The following GPM6A variants were observed in gnomAD, a reference collection of about 807,000 sequenced individuals.
GPM6A encodes neuronal membrane glycoprotein M6-a.
GPM6A carries 7 observed loss-of-function variants against 32.1 expected under a neutral mutation model. The ratio of observed to expected loss-of-function variants is 0.22; its 90% CI spans 0.12 to 0.41. The LOEUF (loss-of-function observed/expected upper bound fraction) is 0.41. GPM6A is among the 10% of genes least tolerant of loss of function. GPM6A has a pLI of 1.00. For synonymous variants in GPM6A, 130 were observed against 123.4 expected (o/e 1.05, Z -0.35); for missense variants, 235 against 347.2 (o/e 0.68, Z 2.57).
chr4:175,815,799 C>T (rs772435763), upstream of GPM6A, among the ~76,000 whole-genome samples: 1 of 143,796 alleles, frequency 7.0e-6, no homozygotes, highest in Admixed American at 7.3e-5. Flanking sequence ...CTCACTAGAA[C>T]CTCTGCCTCC....
At chr4:175,694,971 G>A (rs1405510010) in intron 2 of GPM6A, among the ~76,000 whole-genome samples, 1 of 152,124 alleles carries the variant, frequency 6.6e-6, no homozygotes, top group Non-Finnish European at 1.5e-5. Context: ...TCCAGCCATG[G>A]CTAAAAGACC....
At chr4:175,991,235 T>A (rs1349839892) in intron 1 of GPM6A, among the ~76,000 whole-genome samples, 17 of 150,714 alleles carry the variant, frequency 1.1e-4, no homozygotes, top group African/African-American at 3.9e-4. Context: ...CCAGCTATTT[T>A]TTTTTTTTTT....
Position 175,663,232 on chromosome 4 carries a change from A to G in GPM6A, c.387+10448T>C, listed in dbSNP as rs543926095. Among the ~76,000 whole-genome samples the G allele has an allele frequency of 5.3e-5, 8 of 152,326 alleles. No individual in the cohort carries two copies. The South Asian group carries it at 1.7e-3, about 32-fold the overall frequency. Reference sequence around the variant, plus strand: ...GAGTTGAAAACTGATGTCCACAGAAAAACCTGCACACAGACGTTTAAAGCA... The same window carrying G: ...GAGTTGAAAACTGATGTCCACAGAAGAACCTGCACACAGACGTTTAAAGCA... On this transcript the variant is annotated intron_variant, in intron 3 of 6. Coordinates refer to ENST00000393658, the MANE Select transcript of GPM6A (RefSeq NM_201591.3).
At chr4:175,995,552 T>C (rs960342776) in intron 1 of GPM6A, among the ~76,000 whole-genome samples, 4 of 152,134 alleles carry the variant, frequency 2.6e-5, no homozygotes, top group African/African-American at 9.7e-5. Flanking sequence ...TTTTTCTCGT[T>C]GCATGCCCCA....
chr4:175,904,314 T>A (rs1738057927), intron 1 of GPM6A, among the ~76,000 whole-genome samples: 1 of 152,200 alleles, frequency 6.6e-6, no homozygotes, highest in Admixed American at 6.6e-5. Flanking sequence ...AAATTTCATT[T>A]AAAATATCTG....
At chr4:175,844,442 G>A (rs1245505452) in intron 1 of GPM6A, among the ~76,000 whole-genome samples, 1 of 152,082 alleles carries the variant, frequency 6.6e-6, no homozygotes, top group African/African-American at 2.4e-5. Flanking sequence ...CCTTGTCACT[G>A]TATGAAACCA....
intron 1 of GPM6A, among the ~76,000 whole-genome samples, chr4:175,985,114 G>A (rs1178558613): frequency 6.6e-6 from 1 of 152,126 alleles, no homozygotes; most frequent in Non-Finnish European, 1.5e-5. Flanking sequence ...TTTAGAATCA[G>A]TTTGTAGATT....
intron 1 of GPM6A, among the ~76,000 whole-genome samples, chr4:175,949,120 A>G (rs1299531606): frequency 6.6e-6 from 1 of 152,176 alleles, no homozygotes; most frequent in Non-Finnish European, 1.5e-5. Context: ...AACATTCACA[A>G]AATATTTTTA....
intron 1 of GPM6A, among the ~76,000 whole-genome samples, chr4:175,799,913 T>A (rs1446478469): frequency 6.6e-6 from 1 of 152,204 alleles, no homozygotes; most frequent in African/African-American, 2.4e-5. Context: ...AAACAGAATA[T>A]CCTTGAGCAA....
At chr4:175,866,108 C>A (rs906093314) in intron 1 of GPM6A, among the ~76,000 whole-genome samples, 13 of 152,090 alleles carry the variant, frequency 8.5e-5, no homozygotes, top group African/African-American at 3.1e-4. Context: ...ATAATGTTTG[C>A]AATATTCATT....
At chr4:175,780,941 G>A (rs1273844115) in intron 1 of GPM6A, among the ~76,000 whole-genome samples, 1 of 152,092 alleles carries the variant, frequency 6.6e-6, no homozygotes, top group East Asian at 1.9e-4. Context: ...ATGATAAAAG[G>A]TGTAGAAAAG....
intron 1 of GPM6A, among the ~76,000 whole-genome samples, chr4:175,829,751 T>G (rs1245768572): frequency 6.8e-6 from 1 of 146,630 alleles, no homozygotes; most frequent in Admixed American, 6.8e-5. Flanking sequence ...TATATATAGA[T>G]ATATATATCT....
chr4:175,770,563 C>A (rs1438584621), intron 1 of GPM6A, among the ~76,000 whole-genome samples: 19 of 152,122 alleles, frequency 1.2e-4, no homozygotes. Flanking sequence ...CTCTCTCACA[C>A]TTTCTTCTGT....
At chr4:175,938,564 T>C (rs919358314) in intron 1 of GPM6A, among the ~76,000 whole-genome samples, 2 of 152,192 alleles carry the variant, frequency 1.3e-5, no homozygotes, top group Non-Finnish European at 2.9e-5. Flanking sequence ...GAGAAGTGTC[T>C]GTTCATATCC....
chr4:175,985,433 C>T (rs1195448066), intron 1 of GPM6A, among the ~76,000 whole-genome samples: 13 of 152,166 alleles, frequency 8.5e-5, no homozygotes, highest in Admixed American at 8.5e-4. Flanking sequence ...CTATGCCAAG[C>T]ATTCCTGCTG....
chr4:175,736,727 AAAAT>A (rs1369725054), intron 1 of GPM6A, among the ~76,000 whole-genome samples: 37 of 152,366 alleles, frequency 2.4e-4, no homozygotes, highest in African/African-American at 8.7e-4. Flanking sequence ...TAGTAGTAAT[AAAAT>A]AAAAACAAAT....
At chr4:175,972,236 G>C (rs1055419243) in intron 1 of GPM6A, among the ~76,000 whole-genome samples, 1 of 152,136 alleles carries the variant, frequency 6.6e-6, no homozygotes, top group African/African-American at 2.4e-5. Flanking sequence ...AAAAAAATTT[G>C]TGATGTATAT....
chr4:175,962,654 C>A (rs1482386864), intron 1 of GPM6A, among the ~76,000 whole-genome samples: 1 of 152,096 alleles, frequency 6.6e-6, no homozygotes, highest in Non-Finnish European at 1.5e-5. Flanking sequence ...TAGCCTATGG[C>A]ACCTACAGCA....
At chr4:175,934,025 C>T (rs1464246086) in intron 1 of GPM6A, among the ~76,000 whole-genome samples, 1 of 152,050 alleles carries the variant, frequency 6.6e-6, no homozygotes, top group Non-Finnish European at 1.5e-5. Context: ...TAAAAGAAAC[C>T]ACATATCAAA....
Sources: gnomAD v4.1 joint callset for allele counts (sites outside exome capture counted in the v4.1 genomes callset) on GRCh38, gnomAD v4.1.1 for gene constraint, MANE v1.5 for transcripts, NCBI Gene and HGNC (gene_info 2026-07-23, HGNC 2026-07-21) for gene names.